Variants in NMNAT2 observed in about 807,000 individuals in gnomAD.
NMNAT2 encodes nicotinamide/nicotinic acid mononucleotide adenylyltransferase 2.
NMNAT2 carries 11 observed loss-of-function variants against 41.6 expected under a neutral mutation model. The observed-to-expected ratio is 0.26, with a 90% CI of 0.17 to 0.44. NMNAT2 has a LOEUF of 0.44. NMNAT2 is among the 20% of genes least tolerant of loss of function. The probability of loss-of-function intolerance (pLI) is 1.00; values close to 1 mark genes in which losing one functional copy is unlikely to be tolerated. For synonymous variants in NMNAT2, 148 were observed against 151.2 expected, an observed-to-expected ratio of 0.98 and a Z score of 0.16; for missense variants, 288 against 407.7, an observed-to-expected ratio of 0.71 and a Z score of 2.53.
At chr1:183,296,969 C>T (rs575692172) in intron 1 of NMNAT2, among the ~76,000 whole-genome samples, 4 of 152,016 alleles carry the variant, frequency 2.6e-5, no homozygotes, top group East Asian at 1.9e-4. Context: ...CGCTCCTCTT[C>T]GGGGTCATTT....
chr1:183,291,875 T>A (rs886354008), intron 3 of NMNAT2, among the ~76,000 whole-genome samples: 2 of 152,238 alleles, frequency 1.3e-5, no homozygotes, highest in Non-Finnish European at 2.9e-5. Flanking sequence ...TAAGAAAGTC[T>A]ATAAAGGGCA....
intron 1 of NMNAT2, among the ~76,000 whole-genome samples, chr1:183,393,502 T>C (rs1267674202): frequency 1.3e-5 from 2 of 152,050 alleles, no homozygotes; most frequent in Non-Finnish European, 2.9e-5. Flanking sequence ...CTTGCTGTTC[T>C]CTGGAGTGCT....
intron 1 of NMNAT2, among the ~76,000 whole-genome samples, chr1:183,319,913 T>C (rs1031562514): frequency 6.6e-6 from 1 of 152,194 alleles, no homozygotes; most frequent in Non-Finnish European, 1.5e-5. Context: ...CTTATCTCAT[T>C]ATGGTAGGAA....
intron 1 of NMNAT2, among the ~76,000 whole-genome samples, chr1:183,319,366 A>G (rs911753572): frequency 6.6e-6 from 1 of 152,270 alleles, no homozygotes; most frequent in African/African-American, 2.4e-5. Flanking sequence ...TCACTTCAGC[A>G]CAGTGCCTAC....
At chr1:183,324,155 G>A (rs1401444288) in intron 1 of NMNAT2, among the ~76,000 whole-genome samples, 1 of 152,140 alleles carries the variant, frequency 6.6e-6, no homozygotes, top group South Asian at 2.1e-4. Flanking sequence ...CAGATACCAA[G>A]GTGCATGAAT....
chr1:183,283,897 C>G (rs760190312), intron 7 of NMNAT2, 98 bp downstream of exon 7: 1 of 1,165,594 alleles, frequency 8.6e-7, no homozygotes, highest in Admixed American at 1.7e-5. Context: ...GCAAAACAGT[C>G]CCTGGGTTTT....
rs201335028 is a variant in NMNAT2, at chr1:183,252,309, C to G, written c.*332G>C. The G allele has an allele frequency of 3.6e-6, 1 of 276,480 alleles. No homozygotes were observed. Among genetic ancestry groups the G allele is most frequent in the African/African-American group, 2.2e-5 (1 of 44,802 alleles). The allele number at this position is 276,480 out of a possible 1,614,324, so 17.1% of individuals were successfully genotyped here. A position where few individuals can be genotyped will look rare whatever the true frequency, so the allele number is the denominator to read the frequency against. ...AGGATGGGCACCAGAGCCGCCTCCC[C>G]AGAGCGTGCTGGGAGGATGGGCACC... is the stretch of plus-strand genomic sequence containing the variant. On this transcript the variant is annotated 3_prime_UTR_variant, in exon 11 of 11. Coordinates refer to ENST00000287713, the MANE Select transcript of NMNAT2 (RefSeq NM_015039.4).
At chr1:183,315,184 A>T (rs1441872094) in intron 1 of NMNAT2, among the ~76,000 whole-genome samples, 1 of 152,224 alleles carries the variant, frequency 6.6e-6, no homozygotes, top group Non-Finnish European at 1.5e-5. Flanking sequence ...TCACTTGGCC[A>T]TCCGTCATGC....
chr1:183,324,455 T>C (rs1207576794), intron 1 of NMNAT2, among the ~76,000 whole-genome samples: 1 of 152,272 alleles, frequency 6.6e-6, no homozygotes, highest in East Asian at 1.9e-4. Flanking sequence ...AATCCTACCA[T>C]ACTATTTCCT....
At chr1:183,408,243 C>T (rs777663671) in intron 1 of NMNAT2, among the ~76,000 whole-genome samples, 2 of 152,146 alleles carry the variant, frequency 1.3e-5, no homozygotes, top group African/African-American at 2.4e-5. Flanking sequence ...TTTGGTTTTG[C>T]AGTCCATAAA....
At position 183,310,815 on chromosome 1, in the gene NMNAT2, A is replaced by G. The variant is rs185330348; in HGVS notation, c.86-17022T>C. Reference sequence around the variant, plus strand: ...GGGAAACTAGAAACTCATAATGCCAACACAGGTGGAAGAATTATGGCCCCA... The same window carrying G: ...GGGAAACTAGAAACTCATAATGCCAGCACAGGTGGAAGAATTATGGCCCCA... On this transcript the variant is annotated intron_variant, in intron 1 of 10. Coordinates refer to ENST00000287713, the MANE Select transcript of NMNAT2 (RefSeq NM_015039.4). 4.0e-5 allele frequency among the ~76,000 whole-genome samples: 6 copies of G among 151,816 alleles called. No individual in the cohort carries two copies. The East Asian group carries it at 1.2e-3, about 30-fold the overall frequency.
intron 5 of NMNAT2, 89 bp from the exon 6 acceptor site, chr1:183,284,879 T>A: frequency 9.5e-7 from 1 of 1,053,500 alleles, no homozygotes; most frequent in Non-Finnish European, 1.5e-6. Context: ...GGGGCCGCTG[T>A]AAACATCAGG....
intron 1 of NMNAT2, among the ~76,000 whole-genome samples, chr1:183,394,697 C>T (rs1037741398): frequency 3.3e-5 from 5 of 152,174 alleles, no homozygotes; most frequent in Admixed American, 6.5e-5. Flanking sequence ...TCTTCTACAG[C>T]GAGATTAGGG....
At chr1:183,310,107 T>G (rs560611404) in intron 1 of NMNAT2, among the ~76,000 whole-genome samples, 4 of 152,164 alleles carry the variant, frequency 2.6e-5, no homozygotes, top group African/African-American at 9.7e-5. Context: ...GCAGTTTTAG[T>G]TAAAGAAGAA....
chr1:183,405,144 CAGG>C (rs1396856232), intron 1 of NMNAT2, among the ~76,000 whole-genome samples: 4 of 152,040 alleles, frequency 2.6e-5, no homozygotes, highest in African/African-American at 7.2e-5. Context: ...CACGTGAGCC[CAGG>C]AGGTCAAGGC....
rs553781329 is a variant in NMNAT2, at chr1:183,396,847, C to T, written c.85+21336G>A. On this transcript the variant is annotated intron_variant, in intron 1 of 10. Transcript: ENST00000287713. ...GTTACTCTGCCTTATGCCCCTCAGT[C>T]GAGTTCTTTCTTCTGAGGAGGCAAG... Among the ~76,000 whole-genome samples, 167 of 152,298 alleles carry T rather than the reference C, an allele frequency of 1.1e-3. 1 individual carries two copies. Among genetic ancestry groups the T allele is most frequent in the Non-Finnish European group, 2.0e-3 (133 of 68,028 alleles).
chr1:183,283,569 A>C (rs1012705666), intron 7 of NMNAT2: 3 of 306,314 alleles, frequency 9.8e-6, no homozygotes, highest in Non-Finnish European at 1.9e-5. Context: ...CAAGGCTGCA[A>C]GGGAGGTGTG....
chr1:183,287,205 G>T (rs1478342287), intron 4 of NMNAT2, among the ~76,000 whole-genome samples: 1 of 152,160 alleles, frequency 6.6e-6, no homozygotes, highest in East Asian at 1.9e-4. Context: ...GGCGATGCTG[G>T]AACCTTCTGT....
intron 8 of NMNAT2, among the ~76,000 whole-genome samples, chr1:183,269,189 T>C (rs935822353): frequency 2.0e-5 from 3 of 152,204 alleles, no homozygotes; most frequent in Admixed American, 2.0e-4. Context: ...CAGGGATATC[T>C]AGGAGAAGAG....
Sources: allele counts gnomAD v4.1 joint callset (sites outside exome capture counted in the v4.1 genomes callset), GRCh38; gene constraint gnomAD v4.1.1; transcripts MANE v1.5; gene names NCBI Gene and HGNC (gene_info 2026-07-23, HGNC 2026-07-21).